The following NXPE2 variants were observed in gnomAD, a reference collection of about 807,000 sequenced individuals.
NXPE2 encodes the protein neurexophilin and PC-esterase domain family member 2, also known as NXPE family member 2.
NXPE2 carries 34 observed loss-of-function variants against 34.4 expected under a neutral mutation model. The ratio of observed to expected loss-of-function variants is 0.99; its 90% CI spans 0.75 to 1.31. The LOEUF is 1.31. Among genes scored for constraint, NXPE2 ranks in the 40% most tolerant of loss-of-function variants. The pLI, the probability that NXPE2 is intolerant of heterozygous loss-of-function variation, is 0.00. For missense variants in NXPE2, 649 were observed against 672.5 expected, an observed-to-expected ratio of 0.97 and a Z score of 0.39; for synonymous variants, 235 against 231.3, an observed-to-expected ratio of 1.02 and a Z score of -0.15.
intron 3 of NXPE2, among the ~76,000 whole-genome samples, chr11:114,699,103 G>T (rs2135561957): frequency 6.6e-6 from 1 of 152,236 alleles, no homozygotes; most frequent in South Asian, 2.1e-4. Flanking sequence ...ATCCTATAGA[G>T]TATTAATAGA....
the NXPE2 span, among the ~76,000 whole-genome samples, chr11:114,797,767 C>T: frequency 2.6e-5 from 4 of 152,040 alleles, no homozygotes; most frequent in Non-Finnish European, 4.4e-5. Flanking sequence ...AGATGGTGTC[C>T]GTGAACTTTG....
At chr11:114,669,515 G>C in the NXPE2 span, among the ~76,000 whole-genome samples, 1 of 152,094 alleles carries the variant, frequency 6.6e-6, no homozygotes, top group African/African-American at 2.4e-5. Flanking sequence ...AGAAGTCCTG[G>C]ACTCTCTTTC....
the NXPE2 span, among the ~76,000 whole-genome samples, chr11:114,609,941 C>T: frequency 5.4e-4 from 82 of 151,896 alleles, no homozygotes; most frequent in African/African-American, 1.8e-3. Context: ...AGTGTTGCCT[C>T]GTGGGTAACC....
chr11:114,510,069 C>T, the NXPE2 span, among the ~76,000 whole-genome samples: 10 of 152,112 alleles, frequency 6.6e-5, no homozygotes, highest in Non-Finnish European at 8.8e-5. Flanking sequence ...GCACTGAACT[C>T]TGTAGTTACA....
the NXPE2 span, among the ~76,000 whole-genome samples, chr11:114,723,090 CATA>C: frequency 2.0e-4 from 30 of 152,120 alleles, no homozygotes; most frequent in African/African-American, 7.2e-4. Flanking sequence ...TAATTTCACA[CATA>C]ATAATGATTA....
chr11:114,554,392 G>C, the NXPE2 span: 5 of 984,986 alleles, frequency 5.1e-6, no homozygotes, highest in Admixed American at 6.1e-5. Flanking sequence ...CAGAGGTGAT[G>C]ACAATATTCC....
the NXPE2 span, among the ~76,000 whole-genome samples, chr11:114,473,272 A>G: frequency 6.6e-6 from 1 of 152,168 alleles, no homozygotes; most frequent in Non-Finnish European, 1.5e-5. Flanking sequence ...CCTTTTTGAG[A>G]ATAAGTTCTT....
chr11:114,781,441 G>A, the NXPE2 span, among the ~76,000 whole-genome samples: 2 of 152,330 alleles, frequency 1.3e-5, no homozygotes, highest in South Asian at 4.1e-4. Context: ...AGGGTGATGG[G>A]ATTTAGACAG....
the NXPE2 span, among the ~76,000 whole-genome samples, chr11:114,726,840 A>G: frequency 5.3e-5 from 8 of 152,100 alleles, no homozygotes; most frequent in Non-Finnish European, 1.0e-4. Context: ...TATAACAAGG[A>G]TTGCCTTTTC....
At chr11:114,785,965 A>G in the NXPE2 span, among the ~76,000 whole-genome samples, 9 of 152,176 alleles carry the variant, frequency 5.9e-5, no homozygotes, top group Non-Finnish European at 1.2e-4. Flanking sequence ...TTATTATACT[A>G]TTAGATAGTG....
the NXPE2 span, among the ~76,000 whole-genome samples, chr11:114,481,440 C>T: frequency 6.6e-6 from 1 of 152,034 alleles, no homozygotes; most frequent in Non-Finnish European, 1.5e-5. Context: ...AAAATGGCAA[C>T]AATAGCGCTT....
chr11:114,581,023 G>A, the NXPE2 span, among the ~76,000 whole-genome samples: 4 of 152,164 alleles, frequency 2.6e-5, no homozygotes, highest in African/African-American at 7.2e-5. Context: ...ACTCATGTAT[G>A]TGTGGTAAAA....
the NXPE2 span, among the ~76,000 whole-genome samples, chr11:114,764,878 C>T: frequency 6.6e-6 from 1 of 152,034 alleles, no homozygotes; most frequent in Non-Finnish European, 1.5e-5. Flanking sequence ...TCTAATGTAC[C>T]TCGTTCTCAC....
chr11:114,753,892 T>G, the NXPE2 span, among the ~76,000 whole-genome samples: 2 of 152,252 alleles, frequency 1.3e-5, no homozygotes, highest in Non-Finnish European at 2.9e-5. Context: ...AAAATCATTT[T>G]GGAATATCAT....
At chr11:114,700,533 G>A (rs1452161265) in intron 3 of NXPE2, among the ~76,000 whole-genome samples, 2 of 152,086 alleles carry the variant, frequency 1.3e-5, no homozygotes, top group African/African-American at 2.4e-5. Context: ...GGAAGTGAGG[G>A]AGAGAGAAGA....
the NXPE2 span, among the ~76,000 whole-genome samples, chr11:114,803,587 T>C: frequency 2.6e-5 from 4 of 151,736 alleles, no homozygotes; most frequent in East Asian, 5.9e-4. Context: ...TCTCTCTCTT[T>C]TTTTTTTTGA....
the NXPE2 span, among the ~76,000 whole-genome samples, chr11:114,606,597 G>T: frequency 2.6e-5 from 4 of 151,986 alleles, no homozygotes; most frequent in Admixed American, 1.3e-4. Flanking sequence ...TTCCTTGTGG[G>T]TAACCACTGT....
chr11:114,648,512 T>G, the NXPE2 span, among the ~76,000 whole-genome samples: 2 of 152,184 alleles, frequency 1.3e-5, no homozygotes, highest in African/African-American at 4.8e-5. Context: ...TCTACTAATT[T>G]AAACGTTAAT....
At chr11:114,707,249 GC>G, downstream of NXPE2, 1 of 299,482 alleles carries the variant, frequency 3.3e-6, no homozygotes, top group South Asian at 3.0e-5. Context: ...CCACCACCAT[GC>G]CAAGCTGATT....
Sources: gnomAD v4.1 joint callset for allele counts (sites outside exome capture counted in the v4.1 genomes callset) on GRCh38, gnomAD v4.1.1 for gene constraint, MANE v1.5 for transcripts, NCBI Gene and HGNC (gene_info 2026-07-23, HGNC 2026-07-21) for gene names.